Variants in MATN2 observed in about 807,000 individuals in gnomAD.
MATN2 encodes the protein matrilin 2.
Under a neutral mutation model 103.2 loss-of-function variants are expected in MATN2, and 69 were observed. The observed-to-expected ratio is 0.67, with a 90% CI of 0.55 to 0.82. The LOEUF (loss-of-function observed/expected upper bound fraction) is 0.82. Among genes scored for constraint, MATN2 ranks in the 40% least tolerant of loss-of-function variants. The probability of loss-of-function intolerance (pLI) is 0.00; values close to 1 mark genes in which losing one functional copy is unlikely to be tolerated. For missense variants in MATN2, 1,023 were observed against 1,211.5 expected, an observed-to-expected ratio of 0.84 and a Z score of 2.31; for synonymous variants, 429 against 450.2, an observed-to-expected ratio of 0.95 and a Z score of 0.60.
At chr8:97,948,322 C>T (rs1034716658) in intron 4 of MATN2, among the ~76,000 whole-genome samples, 4 of 152,140 alleles carry the variant, frequency 2.6e-5, no homozygotes, top group African/African-American at 9.7e-5. Flanking sequence ...CTTGGGGTTA[C>T]AAGCAAATTT....
chr8:97,942,191 T>C (rs547697457), intron 4 of MATN2, among the ~76,000 whole-genome samples: 3 of 152,340 alleles, frequency 2.0e-5, no homozygotes, highest in Admixed American at 1.3e-4. Context: ...GCTTGTTCTT[T>C]AGCAGGGACT....
intron 1 of MATN2, among the ~76,000 whole-genome samples, chr8:97,877,006 CTTTTT>C (rs33986645): frequency 8.5e-6 from 1 of 117,170 alleles, no homozygotes. Context: ...ATTCACACTT[CTTTTT>C]TTTTTTTTTT....
intron 3 of MATN2, among the ~76,000 whole-genome samples, chr8:97,933,746 C>G (rs1422786758): frequency 6.6e-6 from 1 of 152,130 alleles, no homozygotes; most frequent in East Asian, 1.9e-4. Flanking sequence ...GTGAGTCCCC[C>G]CATCCACTCT....
intron 3 of MATN2, among the ~76,000 whole-genome samples, chr8:97,939,397 A>T (rs886237579): frequency 1.3e-5 from 2 of 152,318 alleles, no homozygotes; most frequent in Admixed American, 1.3e-4. Context: ...AAACAAAAAA[A>T]CCACGGTGCT....
At chr8:97,871,703 G>T (rs1817906297) in intron 1 of MATN2, among the ~76,000 whole-genome samples, 1 of 152,218 alleles carries the variant, frequency 6.6e-6, no homozygotes, top group Non-Finnish European at 1.5e-5. Context: ...CTTCCAAGGG[G>T]CCACTTGCCA....
intron 4 of MATN2, among the ~76,000 whole-genome samples, chr8:97,945,709 A>AT (rs1308655746): frequency 1.5e-5 from 1 of 66,096 alleles, no homozygotes. Context: ...ACTATAGAAA[A>AT]AAAAAAAAAT....
At chr8:98,015,288 A>G (rs972559231) in intron 10 of MATN2, among the ~76,000 whole-genome samples, 1 of 152,206 alleles carries the variant, frequency 6.6e-6, no homozygotes, top group South Asian at 2.1e-4. Flanking sequence ...TCCAAGCTCC[A>G]TTCTGTGCAG....
chr8:98,018,498 A>G lies in MATN2; in HGVS notation c.1819+382A>G, dbSNP rs574561621. Among the ~76,000 whole-genome samples the G allele has an allele frequency of 2.0e-4, 31 of 152,318 alleles. 2 individuals carry two copies. Among genetic ancestry groups the G allele is most frequent in the African/African-American group, 6.3e-4 (26 of 41,582 alleles). On this transcript the variant is annotated intron_variant, in intron 12 of 18. Coordinates refer to ENST00000254898, the MANE Select transcript of MATN2 (RefSeq NM_002380.5). ...TCTCCTCTTGGCAGACCGTAAAAGT[A>G]AGGGCAAAGGGTGAAAGGGTGTATT...
intron 16 of MATN2, 40 bp from the exon 17 acceptor site, chr8:98,033,002 C>T (rs753316211): frequency 2.1e-5 from 33 of 1,578,556 alleles, no homozygotes; most frequent in Non-Finnish European, 2.4e-5. Flanking sequence ...TAACCAAAAG[C>T]GTTAAGCAGG....
At chr8:97,874,623 C>T (rs1284954602) in intron 1 of MATN2, among the ~76,000 whole-genome samples, 1 of 151,812 alleles carries the variant, frequency 6.6e-6, no homozygotes, top group Non-Finnish European at 1.5e-5. Context: ...TCTATCTTGC[C>T]CGGCTGATCT....
chr8:97,968,040 C>T (rs1811541008), intron 5 of MATN2, among the ~76,000 whole-genome samples: 1 of 152,250 alleles, frequency 6.6e-6, no homozygotes, highest in South Asian at 2.1e-4. Context: ...CTTAACACCA[C>T]ATCGTAGCCA....
At chr8:97,870,851 T>C (rs568534181) in intron 1 of MATN2, among the ~76,000 whole-genome samples, 1 of 152,342 alleles carries the variant, frequency 6.6e-6, no homozygotes, top group East Asian at 1.9e-4. Context: ...TCCCTGAAAC[T>C]TGGCACTTAG....
intron 2 of MATN2, among the ~76,000 whole-genome samples, chr8:97,896,708 G>C (rs1020991064): frequency 6.6e-6 from 1 of 151,302 alleles, no homozygotes; most frequent in African/African-American, 2.4e-5. Context: ...AACAGGGCTG[G>C]GCAGAGGGAT....
At position 97,888,120 on chromosome 8, in the gene MATN2, G is replaced by T; in HGVS notation, c.20G>T (p.Gly7Val). ...TTGAAAATGGAAAAGATGCTCGCAG[G>T]CTGCTTTCTGCTGATCCTCGGACAG... Reference protein sequence around the residue: MEKMLAGCFLLILGQIV... With the variant: MEKMLAVCFLLILGQIV... Residue 7 changes from glycine (G) to valine (V), a missense_variant, in exon 2 of 19, where the codon GGC (glycine) becomes GTC (valine). Coordinates refer to ENST00000254898, the MANE Select transcript of MATN2 (RefSeq NM_002380.5). The T allele has an allele frequency of 6.2e-7, 1 of 1,607,346 alleles. No individual in the cohort carries two copies. Among genetic ancestry groups the T allele is most frequent in the South Asian group, 1.1e-5 (1 of 89,854 alleles).
intron 6 of MATN2, among the ~76,000 whole-genome samples, chr8:97,985,227 G>C (rs1563708182): frequency 6.6e-6 from 1 of 152,304 alleles, no homozygotes; most frequent in East Asian, 1.9e-4. Context: ...GAGGAAGCAA[G>C]AGAGAAAGGA....
chr8:97,917,806 C>T (rs570506564), intron 2 of MATN2, among the ~76,000 whole-genome samples: 5 of 152,208 alleles, frequency 3.3e-5, no homozygotes, highest in African/African-American at 2.4e-5. Flanking sequence ...ATCTCTAGGC[C>T]GGGCATGGTG....
At chr8:97,899,755 G>T (rs761305558) in intron 2 of MATN2, among the ~76,000 whole-genome samples, 29 of 152,166 alleles carry the variant, frequency 1.9e-4, no homozygotes, top group Non-Finnish European at 4.1e-4. Context: ...TCGCGGGCAG[G>T]GAGAGGGACA....
intron 1 of MATN2, 35 bp downstream of exon 1, chr8:97,869,322 G>T (rs1239652782): frequency 6.6e-6 from 1 of 152,202 alleles, no homozygotes; most frequent in East Asian, 1.9e-4. Flanking sequence ...GCTCTGCGCG[G>T]CCGGGCGGCC....
intron 2 of MATN2, among the ~76,000 whole-genome samples, chr8:97,909,880 T>C (rs1819308345): frequency 6.6e-6 from 1 of 151,550 alleles, no homozygotes; most frequent in African/African-American, 2.4e-5. Context: ...GCCTCCCGGG[T>C]TCAGGCCATT....
Sources: allele counts gnomAD v4.1 joint callset (sites outside exome capture counted in the v4.1 genomes callset), GRCh38; gene constraint gnomAD v4.1.1; transcripts MANE v1.5; gene names NCBI Gene and HGNC (gene_info 2026-07-23, HGNC 2026-07-21).